Variants in RBMS3 observed in about 807,000 individuals in gnomAD.
RBMS3 encodes the protein RNA binding motif single stranded interacting protein 3.
In RBMS3, 27 loss-of-function variants were observed where a neutral mutation model predicts 66.8. That is an observed-to-expected ratio of 0.40 (90% CI 0.30 to 0.56). The LOEUF (loss-of-function observed/expected upper bound fraction) is 0.56. Ranked by LOEUF, RBMS3 falls within the 20% of genes least tolerant of loss-of-function variation. The pLI, the probability that RBMS3 is intolerant of heterozygous loss-of-function variation, is 0.40. For missense variants in RBMS3, 513 were observed against 549.5 expected (o/e 0.93, Z 0.66); for synonymous variants, 188 against 183.0 (o/e 1.03, Z -0.22).
chr3:29,669,790 A>T (rs1239211284), intron 4 of RBMS3, among the ~76,000 whole-genome samples: 1 of 151,992 alleles, frequency 6.6e-6, no homozygotes, highest in African/African-American at 2.4e-5. Context: ...TTGTTTTTTA[A>T]ACCACCTGTG....
chr3:29,577,246 C>T (rs1028313310), intron 3 of RBMS3, among the ~76,000 whole-genome samples: 3 of 152,204 alleles, frequency 2.0e-5, no homozygotes, highest in Admixed American at 2.0e-4. Context: ...CTGCCCAATG[C>T]CCTATTCTAC....
intron 1 of RBMS3, among the ~76,000 whole-genome samples, chr3:29,385,782 A>T (rs1265404985): frequency 6.6e-6 from 1 of 152,118 alleles, no homozygotes; most frequent in Non-Finnish European, 1.5e-5. Flanking sequence ...AGACTCTCTC[A>T]TTACCAATTA....
intron 12 of RBMS3, among the ~76,000 whole-genome samples, chr3:29,982,825 A>G (rs1698086871): frequency 6.6e-6 from 1 of 152,054 alleles, no homozygotes; most frequent in South Asian, 2.1e-4. Flanking sequence ...GGAGTGTTCC[A>G]ATTATGTGGT....
chr3:29,730,432 G>A (rs916695009), intron 4 of RBMS3, among the ~76,000 whole-genome samples: 1 of 152,136 alleles, frequency 6.6e-6, no homozygotes, highest in South Asian at 2.1e-4. Flanking sequence ...GAATCTAGGT[G>A]AGCCTCAGCA....
intron 7 of RBMS3, among the ~76,000 whole-genome samples, chr3:29,871,997 GT>G (rs142957958): frequency 0.099 from 15,021 of 152,078 alleles, 980 homozygotes; most frequent in South Asian, 0.17. Context: ...TAGTGGCCAT[GT>G]TCTACATAAG....
intron 1 of RBMS3, among the ~76,000 whole-genome samples, chr3:29,340,005 G>T (rs2036188091): frequency 6.6e-6 from 1 of 152,064 alleles, no homozygotes; most frequent in Non-Finnish European, 1.5e-5. Context: ...CCAAGTTGGG[G>T]CCAGACACAA....
chr3:29,614,296 T>A (rs1241865186), intron 4 of RBMS3: 1 of 152,078 alleles, frequency 6.6e-6, no homozygotes, highest in Non-Finnish European at 1.5e-5. Context: ...AGAATGATGG[T>A]CGCAAAAGGC....
At position 29,581,911 on chromosome 3, in the gene RBMS3, C is replaced by T. The variant is rs199506610; in HGVS notation, c.308-5203C>T. Among the ~76,000 whole-genome samples the T allele has an allele frequency of 4.6e-5, 7 of 152,206 alleles. No homozygotes were observed. In the East Asian group the frequency reaches 1.2e-3, roughly 25 times the overall value. The stretch of plus-strand genomic sequence containing the variant: ...CCAACACACACACATAAAGAACAAT[C>T]CCAATGTTGGTAAATAAATAAGCAG... On this transcript the variant is annotated intron_variant, in intron 3 of 14. Coordinates refer to ENST00000383767, the MANE Select transcript of RBMS3 (RefSeq NM_001003793.3).
At chr3:29,704,743 C>A (rs2052794889) in intron 4 of RBMS3, among the ~76,000 whole-genome samples, 1 of 152,046 alleles carries the variant, frequency 6.6e-6, no homozygotes, top group Admixed American at 6.5e-5. Flanking sequence ...TTCAGACTTT[C>A]TGATTGAAAT....
At chr3:29,338,350 G>A (rs1225654043) in intron 1 of RBMS3, among the ~76,000 whole-genome samples, 1 of 152,104 alleles carries the variant, frequency 6.6e-6, no homozygotes, top group Non-Finnish European at 1.5e-5. Context: ...GGTGTCAACT[G>A]AAGCACAAAA....
At chr3:29,997,038 AAAAG>A (rs1278471587) in intron 14 of RBMS3, among the ~76,000 whole-genome samples, 31 of 151,662 alleles carry the variant, frequency 2.0e-4, no homozygotes, top group Middle Eastern at 3.4e-3. Context: ...AATAAAGAAA[AAAAG>A]AGAGAAGAAT....
At chr3:29,512,984 C>G (rs1279569545) in intron 3 of RBMS3, among the ~76,000 whole-genome samples, 3 of 152,142 alleles carry the variant, frequency 2.0e-5, no homozygotes, top group African/African-American at 4.8e-5. Flanking sequence ...TGAGAGGTAA[C>G]TTGCTATTAC....
At chr3:29,716,605 A>G (rs1458855052) in intron 4 of RBMS3, among the ~76,000 whole-genome samples, 2 of 152,128 alleles carry the variant, frequency 1.3e-5, no homozygotes, top group African/African-American at 4.8e-5. Flanking sequence ...TAAAACTTTA[A>G]GAATCATTTT....
rs987719193 is a variant in RBMS3 at position 30,010,330 on chromosome 3, G to A, written c.*6468G>A. ...CTTTCTGTAGATCAGTGGATGTTAG[G>A]TTTAAACTTCTGTTTTCTTTGATGA... On this transcript the variant is annotated 3_prime_UTR_variant, in exon 15 of 15. Coordinates refer to ENST00000383767, the MANE Select transcript of RBMS3 (RefSeq NM_001003793.3). The A allele has an allele frequency of 6.6e-6, 1 of 151,868 alleles. No individual in the cohort carries two copies. The highest frequency in any genetic ancestry group is 1.5e-5 in the Non-Finnish European group (1 of 67,980). The allele number at this position is 151,868 out of a possible 1,614,324, so 9.4% of individuals were successfully genotyped here. A position where few individuals can be genotyped will look rare whatever the true frequency, so the allele number is the denominator to read the frequency against.
intron 6 of RBMS3, among the ~76,000 whole-genome samples, chr3:29,778,896 G>T (rs1325087767): frequency 6.6e-6 from 1 of 151,926 alleles, no homozygotes; most frequent in South Asian, 2.1e-4. Flanking sequence ...ATGGAGAGGG[G>T]ATACACTATA....
chr3:29,700,231 T>G (rs1203956438), intron 4 of RBMS3, among the ~76,000 whole-genome samples: 2 of 152,194 alleles, frequency 1.3e-5, no homozygotes, highest in African/African-American at 4.8e-5. Flanking sequence ...TGTGTTACAG[T>G]TAAACATCAA....
intron 6 of RBMS3, among the ~76,000 whole-genome samples, chr3:29,763,690 G>A (rs894940808): frequency 6.6e-6 from 1 of 152,000 alleles, no homozygotes; most frequent in Admixed American, 6.6e-5. Context: ...GATTTATTAT[G>A]TGTATCAGAG....
chr3:29,355,657 A>C (rs2037182892), intron 1 of RBMS3, among the ~76,000 whole-genome samples: 1 of 152,116 alleles, frequency 6.6e-6, no homozygotes, highest in Non-Finnish European at 1.5e-5. Context: ...TTATTATAAC[A>C]GCATTTAGTC....
At chr3:29,446,417 G>A (rs1386901088) in intron 2 of RBMS3, among the ~76,000 whole-genome samples, 1 of 151,856 alleles carries the variant, frequency 6.6e-6, no homozygotes, top group Non-Finnish European at 1.5e-5. Context: ...TATCTTATTT[G>A]TATATTAACT....
Sources: allele counts gnomAD v4.1 joint callset (sites outside exome capture counted in the v4.1 genomes callset), GRCh38; gene constraint gnomAD v4.1.1; transcripts MANE v1.5; gene names NCBI Gene and HGNC (gene_info 2026-07-23, HGNC 2026-07-21).